ARHGAP24: variants seen among roughly 807,000 people sequenced by gnomAD.
The protein encoded by ARHGAP24 is rho GTPase-activating protein 24.
ARHGAP24 carries 50 observed loss-of-function variants against 76.4 expected under a neutral mutation model. The ratio of observed to expected loss-of-function variants is 0.65; its 90% CI spans 0.52 to 0.83. The LOEUF (loss-of-function observed/expected upper bound fraction) is 0.83, where lower values mean the gene tolerates loss of function less well. Ranked by LOEUF, ARHGAP24 falls within the 40% of genes least tolerant of loss-of-function variation. The probability of loss-of-function intolerance (pLI) is 0.00; values close to 1 mark genes in which losing one functional copy is unlikely to be tolerated. For missense variants in ARHGAP24, 930 were observed against 914.2 expected, an observed-to-expected ratio of 1.02 and a Z score of -0.22; for synonymous variants, 345 against 323.3, an observed-to-expected ratio of 1.07 and a Z score of -0.72.
intron 2 of ARHGAP24, among the ~76,000 whole-genome samples, chr4:85,636,940 G>A (rs1052489240): frequency 6.6e-6 from 1 of 152,006 alleles, no homozygotes; most frequent in Non-Finnish European, 1.5e-5. Flanking sequence ...GCACTTAGTA[G>A]ATAATTTTTC....
chr4:85,950,399 C>T (rs1737541371), intron 5 of ARHGAP24, among the ~76,000 whole-genome samples: 1 of 152,020 alleles, frequency 6.6e-6, no homozygotes, highest in Non-Finnish European at 1.5e-5. Context: ...ACTCAGGAGG[C>T]TGAGGCAGGA....
intron 3 of ARHGAP24, among the ~76,000 whole-genome samples, chr4:85,741,322 T>C (rs1578188269): frequency 2.0e-5 from 3 of 152,320 alleles, no homozygotes; most frequent in African/African-American, 7.2e-5. Flanking sequence ...TTAGAGACTC[T>C]ATGGTGCTAT....
chr4:85,958,850 A>G (rs953913429), intron 5 of ARHGAP24, among the ~76,000 whole-genome samples: 1 of 152,116 alleles, frequency 6.6e-6, no homozygotes, highest in Non-Finnish European at 1.5e-5. Flanking sequence ...CCAGGCAACC[A>G]CTAATCTGAT....
chr4:85,651,812 A>C (rs754875685), intron 2 of ARHGAP24, among the ~76,000 whole-genome samples: 2 of 151,956 alleles, frequency 1.3e-5, no homozygotes, highest in Non-Finnish European at 2.9e-5. Context: ...CTCTTATTAG[A>C]TATGTCATTA....
At chr4:85,641,341 G>C (rs941866443) in intron 2 of ARHGAP24, among the ~76,000 whole-genome samples, 1 of 152,106 alleles carries the variant, frequency 6.6e-6, no homozygotes, top group Non-Finnish European at 1.5e-5. Flanking sequence ...TTCCATATTA[G>C]TTTGCTAAGG....
At chr4:85,698,082 G>C (rs1325408369) in intron 2 of ARHGAP24, among the ~76,000 whole-genome samples, 2 of 152,164 alleles carry the variant, frequency 1.3e-5, no homozygotes, top group Non-Finnish European at 2.9e-5. Flanking sequence ...AGGAAGACTA[G>C]CCAGCAGTAT....
At chr4:85,509,467 A>G (rs72654059) in intron 1 of ARHGAP24, among the ~76,000 whole-genome samples, 1,745 of 152,286 alleles carry the variant, frequency 0.011, 14 homozygotes, top group Non-Finnish European at 0.015. Context: ...AAAGTTACAC[A>G]TATTTGAAAA....
At chr4:85,862,815 A>G (rs1343004722) in intron 3 of ARHGAP24, among the ~76,000 whole-genome samples, 1 of 152,104 alleles carries the variant, frequency 6.6e-6, no homozygotes. Context: ...TAGTTCATTC[A>G]TAAGTCCTTT....
At chr4:85,871,282 CT>C (rs1035397722) in intron 3 of ARHGAP24, among the ~76,000 whole-genome samples, 99 of 152,190 alleles carry the variant, frequency 6.5e-4, no homozygotes, top group African/African-American at 2.3e-3. Flanking sequence ...TCAGCTACTG[CT>C]TTAGAATAAA....
At chr4:85,598,529 T>C (rs1488468146) in intron 2 of ARHGAP24, among the ~76,000 whole-genome samples, 1 of 152,066 alleles carries the variant, frequency 6.6e-6, no homozygotes, top group African/African-American at 2.4e-5. Flanking sequence ...TAGTAGCTGA[T>C]CATTGTGTGA....
chr4:85,680,096 G>C (rs745758909), intron 2 of ARHGAP24, among the ~76,000 whole-genome samples: 2 of 152,110 alleles, frequency 1.3e-5, no homozygotes, highest in African/African-American at 2.4e-5. Flanking sequence ...CCCAGGAAAA[G>C]TGCATCATCA....
intron 3 of ARHGAP24, among the ~76,000 whole-genome samples, chr4:85,865,415 A>T (rs76930533): frequency 0.041 from 6,186 of 149,632 alleles, 434 homozygotes; most frequent in African/African-American, 0.14. Flanking sequence ...CTACCATGCC[A>T]TTATTTTCTA....
At chr4:85,528,967 T>C (rs1479083386) in intron 1 of ARHGAP24, among the ~76,000 whole-genome samples, 1 of 152,154 alleles carries the variant, frequency 6.6e-6, no homozygotes, top group East Asian at 1.9e-4. Flanking sequence ...GTCTATTCAA[T>C]ACTATCAAAG....
chr4:85,659,662 A>C (rs1433028599), intron 2 of ARHGAP24, among the ~76,000 whole-genome samples: 1 of 152,212 alleles, frequency 6.6e-6, no homozygotes, highest in African/African-American at 2.4e-5. Flanking sequence ...TATATAATTA[A>C]AGTACACATA....
chr4:85,935,387 C>T lies in ARHGAP24; in HGVS notation c.392-6679C>T, dbSNP rs1331682407. Reference sequence around the variant, plus strand: ...AAATTATCTATTAAGTTGTAGGTGCCCCTGAACAAAAGGCTGACCACAGGC... The same window carrying T: ...AAATTATCTATTAAGTTGTAGGTGCTCCTGAACAAAAGGCTGACCACAGGC... On this transcript the variant is annotated intron_variant, in intron 4 of 9. Coordinates refer to ENST00000395184, the MANE Select transcript of ARHGAP24 (RefSeq NM_001025616.3). 2.0e-5 allele frequency among the ~76,000 whole-genome samples: 3 copies of T among 152,136 alleles called. No homozygotes were observed. In the East Asian group the frequency reaches 5.8e-4, roughly 29 times the overall value.
At chr4:85,679,582 G>A (rs927711853) in intron 2 of ARHGAP24, among the ~76,000 whole-genome samples, 5 of 151,944 alleles carry the variant, frequency 3.3e-5, no homozygotes, top group East Asian at 1.9e-4. Flanking sequence ...TTCATCTTAC[G>A]CACCTCCACA....
rs1356883889 is a variant in ARHGAP24 at position 85,506,900 on chromosome 4, T to TC, written c.-21+31341_-21+31342insC. ...TGGAATGGGATCTAAGCCTTTTTTT[T>TC]TCCCCCCATGTGGAACTTAGAAATG... On this transcript the variant is annotated intron_variant, in intron 1 of 9. Transcript: ENST00000395184. 7.2e-3 allele frequency among the ~76,000 whole-genome samples: 110 copies of TC among 15,302 alleles called. No homozygotes were observed. The East Asian group carries it at 0.14, about 20-fold the overall frequency. The allele number at this position is 15,302 out of a possible 152,430, so 10.0% of individuals were successfully genotyped here. A position where few individuals can be genotyped will look rare whatever the true frequency, so the allele number is the denominator to read the frequency against.
At chr4:85,655,790 TATAGAGAGAGAGAGAGAGAGAGAGAGAA>T (rs1182178595) in intron 2 of ARHGAP24, among the ~76,000 whole-genome samples, 1 of 50,138 alleles carries the variant, frequency 2.0e-5, no homozygotes, top group African/African-American at 1.1e-4. Context: ...TATATATATA[TATAGAGAGAGAGAGAGAGAGAGAGAGAA>T]AGAGAGAGAG....
At chr4:85,799,716 G>A (rs571875066) in intron 3 of ARHGAP24, among the ~76,000 whole-genome samples, 4 of 152,278 alleles carry the variant, frequency 2.6e-5, no homozygotes, top group African/African-American at 9.6e-5. Context: ...TAAAGAGAAA[G>A]ATGCAGCTTT....
Sources: gnomAD v4.1 joint callset for allele counts (sites outside exome capture counted in the v4.1 genomes callset) on GRCh38, gnomAD v4.1.1 for gene constraint, MANE v1.5 for transcripts, NCBI Gene and HGNC (gene_info 2026-07-23, HGNC 2026-07-21) for gene names.